Variants in PRH1 observed in about 807,000 individuals in gnomAD.
PRH1 encodes the protein salivary acidic proline-rich phosphoprotein 1/2.
PRH1 carries 7 observed loss-of-function variants against 7.9 expected under a neutral mutation model. That is an observed-to-expected ratio of 0.89 (90% CI 0.50 to 1.67). PRH1 has a LOEUF of 1.67. Ranked by LOEUF, PRH1 falls within the 40% of genes most tolerant of loss-of-function variation. The pLI is 0.00. For missense variants in PRH1, 109 were observed against 223.6 expected (o/e 0.49, Z 3.27); for synonymous variants, 45 against 80.8 (o/e 0.56, Z 2.38).
chr12:11,067,919 T>C, intron 1 of PRH1, among the ~76,000 whole-genome samples: 1 of 152,194 alleles, frequency 6.6e-6, no homozygotes, highest in Non-Finnish European at 1.5e-5. Flanking sequence ...CATAATGCTC[T>C]ATTCTCCTTT....
At chr12:11,031,350 A>G (rs767663477) in intron 1 of PRH1, 10 of 1,608,520 alleles carry the variant, frequency 6.2e-6, no homozygotes, top group Non-Finnish European at 8.5e-6. Flanking sequence ...GAACAGACAA[A>G]AAAAAATTGT....
chr12:11,048,095 G>C, upstream of PRH1, among the ~76,000 whole-genome samples: 1 of 133,418 alleles, frequency 7.5e-6, no homozygotes, highest in Non-Finnish European at 1.7e-5. Context: ...TTCATAATTT[G>C]TGGTCAATGT....
intron 1 of PRH1, among the ~76,000 whole-genome samples, chr12:11,127,008 G>C (rs1946155014): frequency 6.6e-6 from 1 of 152,052 alleles, no homozygotes; most frequent in Admixed American, 6.5e-5. Context: ...TCCCTTTAAG[G>C]TCCTGACCTT....
intron 1 of PRH1, among the ~76,000 whole-genome samples, chr12:11,165,915 T>G (rs1217270479): frequency 1.3e-5 from 2 of 152,240 alleles, no homozygotes; most frequent in African/African-American, 4.8e-5. Context: ...TCTCCCAGTA[T>G]AGTGGCATTG....
chr12:10,908,655 T>C, intron 2 of PRH1: 2 of 1,613,916 alleles, frequency 1.2e-6, no homozygotes, highest in Non-Finnish European at 1.7e-6. Context: ...TCCTTTGTAA[T>C]TGAGTTGCAT....
At chr12:11,168,291 AG>A (rs1565725905) in intron 1 of PRH1, among the ~76,000 whole-genome samples, 456 of 15,384 alleles carry the variant, frequency 0.03, 100 homozygotes, top group Middle Eastern at 0.11. Flanking sequence ...AAAGAAAGAA[AG>A]AAAGAAAGAA....
intron 1 of PRH1, among the ~76,000 whole-genome samples, chr12:11,128,961 T>G (rs899287239): frequency 6.6e-6 from 1 of 152,046 alleles, no homozygotes; most frequent in Non-Finnish European, 1.5e-5. Context: ...CTCCCTCTGT[T>G]ACCCAAGCTG....
chr12:10,915,458 G>A (rs1224606454), intron 2 of PRH1, among the ~76,000 whole-genome samples: 1 of 45,280 alleles, frequency 2.2e-5, no homozygotes, highest in South Asian at 1.6e-3. Context: ...TGTATGTGAA[G>A]CTGACAGGAA....
At chr12:11,111,335 T>A (rs1330721982) in intron 1 of PRH1, among the ~76,000 whole-genome samples, 1 of 152,154 alleles carries the variant, frequency 6.6e-6, no homozygotes, top group African/African-American at 2.4e-5. Flanking sequence ...CCACCTCAAA[T>A]CAACAGAATA....
intron 2 of PRH1, chr12:10,909,527 C>A: frequency 2.2e-6 from 1 of 463,510 alleles, no homozygotes; most frequent in Non-Finnish European, 3.9e-6. Context: ...TCTGCTGAGC[C>A]CTAGCTAAGA....
chr12:11,055,553 G>A (rs928742244), intron 1 of PRH1, among the ~76,000 whole-genome samples: 1 of 152,260 alleles, frequency 6.6e-6, no homozygotes, highest in African/African-American at 2.4e-5. Context: ...TGGAAAACAT[G>A]ATAATTTCCA....
At chr12:11,121,376 T>C (rs907258369) in intron 1 of PRH1, among the ~76,000 whole-genome samples, 1 of 152,224 alleles carries the variant, frequency 6.6e-6, no homozygotes, top group Non-Finnish European at 1.5e-5. Context: ...TTGAGTTTTT[T>C]TTAAGAGAAG....
At chr12:11,053,582 T>C (rs1159252068) in intron 1 of PRH1, among the ~76,000 whole-genome samples, 1 of 152,272 alleles carries the variant, frequency 6.6e-6, no homozygotes, top group Non-Finnish European at 1.5e-5. Context: ...CTAATGTAAC[T>C]TTCCCACAAT....
chr12:10,901,909 C>T (rs1171234344), intron 2 of PRH1, among the ~76,000 whole-genome samples: 1 of 151,858 alleles, frequency 6.6e-6, no homozygotes, highest in African/African-American at 2.4e-5. Context: ...CCAGTATTGC[C>T]AGAGGAGGAG....
rs1485458191 is a variant in PRH1 at position 10,929,113 on chromosome 12, AC to A, written c.-59+44541del. On this transcript the variant is annotated intron_variant, in intron 2 of 3. Coordinates refer to the PRH1 transcript ENST00000539853. ...TAGAGTCCCAGAAGAAATGAGGGAT[AC>A]ACTTGACCTGAAGTAAGCAAAGCAG... 4 of 769,296 alleles carry A rather than the reference AC, an allele frequency of 5.2e-6. No homozygotes were observed. In the East Asian group the frequency reaches 1.1e-4, roughly 20 times the overall value. 47.7% of individuals were successfully genotyped at this position (769,296 alleles called of 1,614,324 possible). A position where few individuals can be genotyped will look rare whatever the true frequency, so the allele number is the denominator to read the frequency against.
chr12:11,110,234 G>T (rs1945547448), intron 1 of PRH1, among the ~76,000 whole-genome samples: 1 of 152,166 alleles, frequency 6.6e-6, no homozygotes, highest in South Asian at 2.1e-4. Context: ...AACAAAGTTG[G>T]AAAACACTCT....
In PRH1 at chr12:11,041,196, T is replaced by C. The variant is rs568161068; in HGVS notation, c.-126+5824A>G. Among the ~76,000 whole-genome samples, 206 of 141,364 alleles carry C rather than the reference T, an allele frequency of 1.5e-3. 1 individual carries two copies. The highest frequency in any genetic ancestry group is 5.3e-3 in the African/African-American group (203 of 38,588). The allele number at this position is 141,364 out of a possible 152,430, so 92.7% of individuals were successfully genotyped here. A position where few individuals can be genotyped will look rare whatever the true frequency, so the allele number is the denominator to read the frequency against. ...AAAACAAAACAAAAAAAAACTCCAA[T>C]CTGTTGCCTCTAAGAAACACACTTT... On this transcript the variant is annotated intron_variant, in intron 1 of 3. Coordinates refer to the PRH1 transcript ENST00000539853.
At chr12:10,979,680 C>T (rs763389326) in intron 1 of PRH1, among the ~76,000 whole-genome samples, 6 of 152,084 alleles carry the variant, frequency 3.9e-5, no homozygotes, top group Non-Finnish European at 8.8e-5. Flanking sequence ...ATGTGCAGAA[C>T]TAGAAAAAAT....
chr12:10,934,175 A>T (rs1158666182), intron 2 of PRH1, among the ~76,000 whole-genome samples: 3 of 152,158 alleles, frequency 2.0e-5, no homozygotes, highest in Non-Finnish European at 4.4e-5. Context: ...TTTTACTCTA[A>T]GTTATTTCCA....
Sources: gnomAD v4.1 joint callset for allele counts (sites outside exome capture counted in the v4.1 genomes callset) on GRCh38, gnomAD v4.1.1 for gene constraint, MANE v1.5 for transcripts, NCBI Gene and HGNC (gene_info 2026-07-23, HGNC 2026-07-21) for gene names.